DCDC1: variants seen among roughly 807,000 people sequenced by gnomAD.
DCDC1 encodes doublecortin domain containing 1.
In DCDC1, 200 loss-of-function variants were observed where a neutral mutation model predicts 178.3. That is an observed-to-expected ratio of 1.12 (90% confidence interval 1.00 to 1.26). The LOEUF is 1.26. DCDC1 is among the 50% of genes most tolerant of loss of function. The pLI is 0.00. For synonymous variants in DCDC1, 690 were observed against 604.8 expected, an observed-to-expected ratio of 1.14 and a Z score of -2.07; for missense variants, 1,983 against 1,749.2, an observed-to-expected ratio of 1.13 and a Z score of -2.38.
chr11:31,269,807 A>C (rs1295598397), intron 7 of DCDC1, among the ~76,000 whole-genome samples: 1 of 152,198 alleles, frequency 6.6e-6, no homozygotes. Context: ...CAATGTTTTC[A>C]GTTTAATCTA....
rs753399081 is a variant in DCDC1 at position 30,881,270 on chromosome 11, G to T, written c.5121C>A (p.His1707Gln). 5 of 1,613,488 alleles carry T rather than the reference G, an allele frequency of 3.1e-6. No homozygotes were observed. Among genetic ancestry groups the T allele is most frequent in the Non-Finnish European group, 4.2e-6 (5 of 1,179,578 alleles). Residue 1707 changes from histidine (H) to glutamine (Q), a missense_variant, in exon 37 of 39, where the codon CAC (histidine) becomes CAA (glutamine). His to Gln is a conservative substitution (Grantham distance 24). Coordinates refer to ENST00000684477, the MANE Select transcript of DCDC1 (RefSeq NM_001387274.1). ...TGGGGGTGTACAGTGCTCTAGCTGGGTGGGTCATTTTGAGACGAGAGGAGC... is the reference window on the plus strand; with the variant it reads ...TGGGGGTGTACAGTGCTCTAGCTGGTTGGGTCATTTTGAGACGAGAGGAGC... ...QDCSSRLKMT[H>Q]PARALYTPSG...
chr11:31,154,529 TA>T (rs1053964319), intron 9 of DCDC1, among the ~76,000 whole-genome samples: 1 of 152,218 alleles, frequency 6.6e-6, no homozygotes, highest in African/African-American at 2.4e-5. Flanking sequence ...TGAGCTCCTC[TA>T]AAGTGGGCTC....
chr11:30,871,582 A>G (rs1172002535), intron 38 of DCDC1, among the ~76,000 whole-genome samples: 3 of 152,026 alleles, frequency 2.0e-5, no homozygotes, highest in East Asian at 3.9e-4. Context: ...CTCTCTATCT[A>G]TCTTTTTATA....
At chr11:31,034,257 T>A (rs1419401052) in intron 20 of DCDC1, among the ~76,000 whole-genome samples, 271 of 151,740 alleles carry the variant, frequency 1.8e-3, no homozygotes, top group African/African-American at 6.2e-3. Context: ...TGAGAATTAT[T>A]ATAAAAGAGT....
intron 11 of DCDC1, among the ~76,000 whole-genome samples, chr11:31,121,028 G>A (rs1483144942): frequency 6.6e-6 from 1 of 152,104 alleles, no homozygotes; most frequent in Non-Finnish European, 1.5e-5. Flanking sequence ...GGCAGTGACA[G>A]GGAATAAGGG....
chr11:31,165,447 G>T (rs956950298), intron 9 of DCDC1, among the ~76,000 whole-genome samples: 7 of 151,996 alleles, frequency 4.6e-5, no homozygotes, highest in Non-Finnish European at 8.8e-5. Flanking sequence ...GAGCAGTTGG[G>T]AATACAGGGA....
At chr11:30,938,303 C>T (rs978831190) in intron 21 of DCDC1, among the ~76,000 whole-genome samples, 2 of 152,076 alleles carry the variant, frequency 1.3e-5, no homozygotes, top group African/African-American at 4.8e-5. Flanking sequence ...CGAGCCAAGC[C>T]GTGCTGTGCC....
intron 20 of DCDC1, among the ~76,000 whole-genome samples, chr11:31,030,518 T>C (rs958769248): frequency 1.3e-5 from 2 of 152,206 alleles, no homozygotes; most frequent in South Asian, 2.1e-4. Context: ...GTGCCATTGA[T>C]GCAATAAGCC....
At chr11:31,167,818 T>C (rs1220911464) in intron 9 of DCDC1, among the ~76,000 whole-genome samples, 4 of 152,214 alleles carry the variant, frequency 2.6e-5, no homozygotes, top group African/African-American at 9.6e-5. Flanking sequence ...CTGATGCCTC[T>C]AGCCAACTCC....
chr11:31,218,178 TTAA>T (rs1380203756), intron 9 of DCDC1, among the ~76,000 whole-genome samples: 1 of 152,058 alleles, frequency 6.6e-6, no homozygotes, highest in Non-Finnish European at 1.5e-5. Context: ...ATTTTTTTAA[TTAA>T]TGAGAACATT....
chr11:31,046,111 C>G (rs1954820844), intron 20 of DCDC1, among the ~76,000 whole-genome samples: 1 of 152,166 alleles, frequency 6.6e-6, no homozygotes, highest in Non-Finnish European at 1.5e-5. Flanking sequence ...TCCCTTTATT[C>G]ATATCCACGT....
At chr11:30,981,844 A>G (rs990210032) in intron 20 of DCDC1, among the ~76,000 whole-genome samples, 2 of 152,282 alleles carry the variant, frequency 1.3e-5, no homozygotes, top group Non-Finnish European at 2.9e-5. Context: ...CTGCATGGAT[A>G]CCACACGCTG....
intron 36 of DCDC1, among the ~76,000 whole-genome samples, chr11:30,887,671 A>G (rs1943297636): frequency 6.6e-6 from 1 of 152,194 alleles, no homozygotes; most frequent in African/African-American, 2.4e-5. Context: ...TATGTTAAAC[A>G]GAAGCAACTT....
At chr11:30,919,728 T>C (rs1946112434) in intron 25 of DCDC1, among the ~76,000 whole-genome samples, 2 of 152,224 alleles carry the variant, frequency 1.3e-5, no homozygotes, top group African/African-American at 4.8e-5. Context: ...AAATAAACGT[T>C]CATATTCTTA....
chr11:30,940,861 C>A lies in DCDC1; in HGVS notation c.2716-8909G>T, dbSNP rs1236243810. 2.0e-5 allele frequency among the ~76,000 whole-genome samples: 3 copies of A among 152,178 alleles called. No homozygotes were observed. In the East Asian group the frequency reaches 5.8e-4, roughly 29 times the overall value. The stretch of plus-strand genomic sequence containing the variant: ...ATCTCATTAATTTTTAGCCTCTTTT[C>A]CATTTTAATATAAGCATTTAAGGCT... On this transcript the variant is annotated intron_variant, in intron 21 of 38. Transcript: ENST00000684477.
chr11:31,305,475 T>A, intron 6 of DCDC1, 140 bp downstream of exon 6: 1 of 1,099,760 alleles, frequency 9.1e-7, no homozygotes, highest in Non-Finnish European at 1.3e-6. Flanking sequence ...AAGCACATTA[T>A]CCTCTTACTG....
chr11:30,997,187 T>C (rs1951318668), intron 20 of DCDC1, among the ~76,000 whole-genome samples: 1 of 152,184 alleles, frequency 6.6e-6, no homozygotes, highest in Non-Finnish European at 1.5e-5. Context: ...GGGTAGAGGA[T>C]AGAGATTGAT....
At chr11:31,080,142 G>A (rs1445969866) in intron 17 of DCDC1, among the ~76,000 whole-genome samples, 2 of 152,036 alleles carry the variant, frequency 1.3e-5, no homozygotes, top group South Asian at 2.1e-4. Flanking sequence ...GAAAAGAGAA[G>A]CTTTTTAAAT....
intron 32 of DCDC1, among the ~76,000 whole-genome samples, chr11:30,902,462 A>G (rs1305660486): frequency 6.6e-6 from 1 of 152,168 alleles, no homozygotes; most frequent in African/African-American, 2.4e-5. Flanking sequence ...ACAATAATGG[A>G]CTAAGACAAT....
Sources: allele counts gnomAD v4.1 joint callset (sites outside exome capture counted in the v4.1 genomes callset), GRCh38; gene constraint gnomAD v4.1.1; transcripts MANE v1.5; gene names NCBI Gene and HGNC (gene_info 2026-07-23, HGNC 2026-07-21).